The following DBF4 variants were observed in gnomAD, a reference collection of about 807,000 sequenced individuals.
The protein encoded by DBF4 is DBF4-CDC7 kinase regulatory subunit.
Under a neutral mutation model 76.6 loss-of-function variants are expected in DBF4, and 25 were observed. The ratio of observed to expected loss-of-function variants is 0.33; its 90% confidence interval spans 0.24 to 0.46. The LOEUF (loss-of-function observed/expected upper bound fraction) is 0.46, where lower values mean the gene tolerates loss of function less well. DBF4 is among the 20% of genes least tolerant of loss of function. The probability of loss-of-function intolerance (pLI) is 1.00; values close to 1 mark genes in which losing one functional copy is unlikely to be tolerated. For missense variants in DBF4, 638 were observed against 760.8 expected (o/e 0.84, Z 1.90); for synonymous variants, 213 against 258.0 (o/e 0.83, Z 1.67).
chr7:87,894,724 G>GT (rs1441763961), intron 6 of DBF4, among the ~76,000 whole-genome samples: 1 of 152,156 alleles, frequency 6.6e-6, no homozygotes, highest in Non-Finnish European at 1.5e-5. Flanking sequence ...CCTTACTCTT[G>GT]TCCTAAAACT....
In DBF4 at chr7:87,878,232, G is replaced by GTTTT. The variant is rs763660544; in HGVS notation, c.219+7_219+8insTTTT. On this transcript the variant is annotated splice_region_variant and intron_variant, in intron 2 of 11. Transcript: ENST00000265728. ...CATTAAGGATCTGGGAGGGGTAAGT[G>GTTTT]AAAACCGTACACTGGCATAGAAGGA... 1.4e-5 allele frequency: 23 copies of GTTTT among 1,603,978 alleles called. No individual in the cohort carries two copies. The highest frequency in any genetic ancestry group is 1.7e-5 in the Non-Finnish European group (20 of 1,176,036).
At chr7:87,902,917 T>C (rs1839823995) in intron 10 of DBF4, among the ~76,000 whole-genome samples, 1 of 152,136 alleles carries the variant, frequency 6.6e-6, no homozygotes, top group African/African-American at 2.4e-5. Flanking sequence ...TTAATGGTCA[T>C]CTAGAGGAAG....
intron 6 of DBF4, among the ~76,000 whole-genome samples, chr7:87,890,204 G>C (rs747284963): frequency 6.6e-6 from 1 of 152,112 alleles, no homozygotes; most frequent in African/African-American, 2.4e-5. Context: ...ACTCTGAATT[G>C]ACTTTATAGC....
At chr7:87,876,803 A>C (rs1219907121) in intron 1 of DBF4, 25 bp downstream of exon 1, 5 of 1,613,178 alleles carry the variant, frequency 3.1e-6, no homozygotes, top group Non-Finnish European at 4.2e-6. Context: ...CTCCGCCTGC[A>C]GTCCCTTTAA....
At chr7:87,906,802 G>A (rs1010994017) in intron 11 of DBF4, among the ~76,000 whole-genome samples, 1 of 152,138 alleles carries the variant, frequency 6.6e-6, no homozygotes, top group African/African-American at 2.4e-5. Context: ...TCAAAGCACA[G>A]AAGTTAAGAA....
At chr7:87,897,507 T>C (rs1260371967) in intron 8 of DBF4, among the ~76,000 whole-genome samples, 168 bp downstream of exon 8, 1 of 152,232 alleles carries the variant, frequency 6.6e-6, no homozygotes, top group Non-Finnish European at 1.5e-5. Context: ...AATTCATTTG[T>C]GCTCAAGGAC....
intron 2 of DBF4, among the ~76,000 whole-genome samples, chr7:87,884,389 T>A (rs1203597558): frequency 6.6e-6 from 1 of 152,166 alleles, no homozygotes; most frequent in Non-Finnish European, 1.5e-5. Flanking sequence ...AGTGGCTTAA[T>A]CACACTACCA....
Position 87,900,862 on chromosome 7 carries a change from A to C in DBF4, c.908A>C (p.Tyr303Ser). 1 of 1,612,694 alleles carries C rather than the reference A, an allele frequency of 6.2e-7. No homozygotes were observed. The highest frequency in any genetic ancestry group is 8.5e-7 in the Non-Finnish European group (1 of 1,179,172). The change falls in exon 10 of 12, where the codon TAT (tyrosine) becomes TCT (serine). Residue 303 changes from tyrosine to serine, a missense_variant. By Grantham distance (144) the Tyr-to-Ser change is moderately radical. Coordinates refer to ENST00000265728, the MANE Select transcript of DBF4 (RefSeq NM_006716.4). ...KGYCECCLQK[Y>S]EDLETHLLSE... ...TATTGTGAATGTTGCTTGCAGAAAT[A>C]TGAAGATCTAGAAACTGTAAATGTG...
Position 87,888,072 on chromosome 7 carries a change from T to G in DBF4, c.597+13T>G. On this transcript the variant is annotated intron_variant, in intron 6 of 11. Coordinates refer to ENST00000265728, the MANE Select transcript of DBF4 (RefSeq NM_006716.4). ...AGTAAGAGATGGGGTATGTTTTCTT[T>G]TTCAATTTTTAAAGTGACCAAGCTT... 1 of 1,541,796 alleles carries G rather than the reference T, an allele frequency of 6.5e-7. No homozygotes were observed. The highest frequency in any genetic ancestry group is 2.3e-5 in the East Asian group (1 of 42,652).
rs535026369 is a variant in DBF4 at position 87,903,533 on chromosome 7, G to GT, written c.925-756dup. ...TCACAGCATTTAATGTGGTTCATGT[G>GT]TTTAATCTACTTTCTGGATTCTTTT... is the stretch of plus-strand genomic sequence containing the variant. On this transcript the variant is annotated intron_variant, in intron 10 of 11. Coordinates refer to ENST00000265728, the MANE Select transcript of DBF4 (RefSeq NM_006716.4). Among the ~76,000 whole-genome samples the GT allele has an allele frequency of 3.9e-5, 6 of 152,170 alleles. No individual in the cohort carries two copies. The East Asian group carries it at 1.2e-3, about 29-fold the overall frequency.
At chr7:87,883,107 A>G (rs1488581795) in intron 2 of DBF4, among the ~76,000 whole-genome samples, 1 of 152,212 alleles carries the variant, frequency 6.6e-6, no homozygotes, top group East Asian at 1.9e-4. Context: ...TTAAAAAGGA[A>G]TGAAATTCTA....
At chr7:87,889,454 A>AT (rs1839435341) in intron 6 of DBF4, among the ~76,000 whole-genome samples, 1 of 151,548 alleles carries the variant, frequency 6.6e-6, no homozygotes, top group South Asian at 2.1e-4. Flanking sequence ...TAGTTTTTGT[A>AT]TTTTTTGTAG....
chr7:87,899,255 C>A (rs1368324546), intron 8 of DBF4, among the ~76,000 whole-genome samples: 1 of 152,116 alleles, frequency 6.6e-6, no homozygotes, highest in Non-Finnish European at 1.5e-5. Flanking sequence ...ATATAAATTT[C>A]TGTGCCTAAA....
Position 87,876,560 on chromosome 7 carries a change from A to C in DBF4, c.-173A>C. On this transcript the variant is annotated 5_prime_UTR_variant, in exon 1 of 12. Coordinates refer to ENST00000265728, the MANE Select transcript of DBF4 (RefSeq NM_006716.4). ...TTCCTCCTCCGCGCCTTGGAGCCGG[A>C]TCCGGCCCCGGAAACCCGACCTGCA... is the stretch of plus-strand genomic sequence containing the variant. The C allele has an allele frequency of 1.5e-6, 1 of 666,838 alleles. No homozygotes were observed. Among genetic ancestry groups the C allele is most frequent in the Non-Finnish European group, 2.6e-6 (1 of 384,872 alleles). 41.3% of individuals were successfully genotyped at this position (666,838 alleles called of 1,614,324 possible). A position where few individuals can be genotyped will look rare whatever the true frequency, so the allele number is the denominator to read the frequency against.
intron 6 of DBF4, chr7:87,888,276 G>T: frequency 1.0e-6 from 1 of 984,716 alleles, no homozygotes; most frequent in African/African-American, 1.7e-5. Context: ...CGCTTCCTCA[G>T]CCCCCTTTTG....
chr7:87,909,257 A>T lies in DBF4; in HGVS notation c.*1094A>T, dbSNP rs1839984985. ...AAGAAATTTCAATTTGAATCTGTGG[A>T]TATAAGGCATTTGCCTTTGAGTATG... On this transcript the variant is annotated 3_prime_UTR_variant, in exon 12 of 12. Transcript: ENST00000265728. 1 of 152,210 alleles carries T rather than the reference A, an allele frequency of 6.6e-6. No individual in the cohort carries two copies. The allele number at this position is 152,210 out of a possible 1,614,324, so 9.4% of individuals were successfully genotyped here.
At chr7:87,900,468 T>C in intron 9 of DBF4, 119 bp downstream of exon 9, 1 of 1,180,676 alleles carries the variant, frequency 8.5e-7, no homozygotes, top group Non-Finnish European at 1.2e-6. Flanking sequence ...GTAATTACTA[T>C]TCTGATTACT....
chr7:87,888,784 A>C (rs1452209589), intron 6 of DBF4, among the ~76,000 whole-genome samples: 1 of 152,172 alleles, frequency 6.6e-6, no homozygotes, highest in East Asian at 1.9e-4. Context: ...ATACTTTTTA[A>C]ACCCAGTCAT....
intron 3 of DBF4, among the ~76,000 whole-genome samples, chr7:87,885,538 C>T (rs1489843391): frequency 1.3e-5 from 2 of 152,214 alleles, no homozygotes; most frequent in African/African-American, 4.8e-5. Flanking sequence ...CTTTTTTGTA[C>T]AACCTGCAGG....
Sources: gnomAD v4.1 joint callset for allele counts (sites outside exome capture counted in the v4.1 genomes callset) on GRCh38, gnomAD v4.1.1 for gene constraint, MANE v1.5 for transcripts, NCBI Gene and HGNC (gene_info 2026-07-23, HGNC 2026-07-21) for gene names.